USP34: variants seen among roughly 807,000 people sequenced by gnomAD.
The protein encoded by USP34 is ubiquitin specific peptidase 34, also known as ubiquitin carboxyl-terminal hydrolase 34.
A neutral mutation model predicts 460.3 loss-of-function variants in USP34; 70 were observed. The observed-to-expected ratio is 0.15, with a 90% CI of 0.13 to 0.19. The LOEUF (loss-of-function observed/expected upper bound fraction) is 0.19. Among genes scored for constraint, USP34 ranks in the 10% least tolerant of loss-of-function variants. USP34 has a pLI of 1.00. For synonymous variants in USP34, 1,647 were observed against 1,405.3 expected, an observed-to-expected ratio of 1.17 and a Z score of -3.85; for missense variants, 3,985 against 4,236.2, an observed-to-expected ratio of 0.94 and a Z score of 1.65.
intron 13 of USP34, 142 bp downstream of exon 13, chr2:61,349,108 A>G (rs1691861543): frequency 1.8e-6 from 2 of 1,092,388 alleles, no homozygotes; most frequent in East Asian, 2.5e-5. Flanking sequence ...AATGGGTAAC[A>G]CGAATATGTT....
intron 1 of USP34, among the ~76,000 whole-genome samples, chr2:61,458,731 C>T (rs958240774): frequency 1.5e-4 from 22 of 151,506 alleles, no homozygotes; most frequent in Middle Eastern, 3.4e-3. Flanking sequence ...CCTCTCATTC[C>T]CAGCAACTAT....
intron 15 of USP34, 49 bp downstream of exon 15, chr2:61,347,821 C>T: frequency 1.3e-6 from 2 of 1,586,628 alleles, no homozygotes; most frequent in South Asian, 1.2e-5. Context: ...GGATATAATA[C>T]TTCCCTAAAG....
chr2:61,205,364 T>C (rs1000331784), intron 72 of USP34, among the ~76,000 whole-genome samples: 4 of 152,210 alleles, frequency 2.6e-5, no homozygotes, highest in Admixed American at 6.5e-5. Context: ...CTGGTGATCA[T>C]AGGTTACTGC....
chr2:61,471,053 A>C lies in USP34; in HGVS notation c.-361T>G, dbSNP rs1373296402. On this transcript the variant is annotated 5_prime_UTR_variant, in exon 1 of 80. Coordinates refer to ENST00000398571, the MANE Select transcript of USP34 (RefSeq NM_014709.4). ...CGACCAGACGCCGCGGCCACCGCCG[A>C]CGCCGCCGCCATTTTAACAGAGCGC... 46 of 165,554 alleles carry C rather than the reference A, an allele frequency of 2.8e-4. No homozygotes were observed. Among genetic ancestry groups the C allele is most frequent in the East Asian group, 8.9e-4 (5 of 5,606 alleles). 10.3% of individuals were successfully genotyped at this position (165,554 alleles called of 1,614,324 possible).
chr2:61,312,192 A>G (rs1364376390), intron 25 of USP34, among the ~76,000 whole-genome samples: 3 of 151,926 alleles, frequency 2.0e-5, no homozygotes, highest in African/African-American at 7.2e-5. Context: ...TAATAAAGAG[A>G]GTAGAAATAT....
chr2:61,405,999 G>T lies in USP34; in HGVS notation c.261C>A (p.Thr87=). The T allele has an allele frequency of 1.2e-6, 2 of 1,613,496 alleles. No individual in the cohort carries two copies. The highest frequency in any genetic ancestry group is 1.3e-5 in the African/African-American group (1 of 74,836). ...LRDQLCKHCT[T]INIDSTWQDE... ...CTTGCCACGTGGAATCTATGTTAATGGTAGTACAATGTTTACAAAGCTGGT... is the reference window on the plus strand; with the variant it reads ...CTTGCCACGTGGAATCTATGTTAATTGTAGTACAATGTTTACAAAGCTGGT... Residue 87 remains threonine, a synonymous_variant, in exon 3 of 80, where the codon ACC becomes ACA. Coordinates refer to ENST00000398571, the MANE Select transcript of USP34 (RefSeq NM_014709.4).
chr2:61,245,300 C>A lies in USP34; in HGVS notation c.6549-12G>T, dbSNP rs1485049588. 7 of 1,563,938 alleles carry A rather than the reference C, an allele frequency of 4.5e-6. No individual in the cohort carries two copies. Among genetic ancestry groups the A allele is most frequent in the Non-Finnish European group, 6.1e-6 (7 of 1,141,300 alleles). ...CATTAAAAAGATACCTAAAATAGAG[C>A]ATATAGTATTAATCTAGTATGCATA... On this transcript the variant is annotated splice_polypyrimidine_tract_variant and intron_variant, in intron 50 of 79. Coordinates refer to ENST00000398571, the MANE Select transcript of USP34 (RefSeq NM_014709.4).
At chr2:61,451,692 A>C (rs538063441) in intron 1 of USP34, among the ~76,000 whole-genome samples, 3 of 152,114 alleles carry the variant, frequency 2.0e-5, no homozygotes, top group Non-Finnish European at 4.4e-5. Context: ...CAAAAAAAAA[A>C]ACAAAAAAAC....
At chr2:61,230,195 T>C (rs1259535778) in intron 58 of USP34, among the ~76,000 whole-genome samples, 1 of 152,184 alleles carries the variant, frequency 6.6e-6, no homozygotes, top group Non-Finnish European at 1.5e-5. Flanking sequence ...AACACTTATA[T>C]ATCACTGGCA....
At chr2:61,253,788 G>A (rs1688650058) in intron 48 of USP34, among the ~76,000 whole-genome samples, 1 of 150,940 alleles carries the variant, frequency 6.6e-6, no homozygotes, top group Non-Finnish European at 1.5e-5. Flanking sequence ...AGGCTGGAGT[G>A]CAGGGGCATG....
chr2:61,230,030 T>A (rs2103829088), intron 58 of USP34, among the ~76,000 whole-genome samples: 1 of 151,016 alleles, frequency 6.6e-6, no homozygotes, highest in Middle Eastern at 3.4e-3. Context: ...GAGGATTCTT[T>A]AAAGATACAC....
At chr2:61,416,891 G>A in intron 2 of USP34, 1 of 898,238 alleles carries the variant, frequency 1.1e-6, no homozygotes, top group Non-Finnish European at 1.8e-6. Flanking sequence ...CCTCATGAGT[G>A]CAGGGCCAGC....
Position 61,189,088 on chromosome 2 carries a change from G to C in USP34, c.9874-19C>G, listed in dbSNP as rs1406653413. The C allele has an allele frequency of 6.3e-7, 1 of 1,598,850 alleles. No individual in the cohort carries two copies. The highest frequency in any genetic ancestry group is 1.8e-5 in the Admixed American group (1 of 56,382). On this transcript the variant is annotated intron_variant, in intron 78 of 79. Coordinates refer to ENST00000398571, the MANE Select transcript of USP34 (RefSeq NM_014709.4). ...TCAGGTCCTACAAAAACCCAGATAGGAACATTTCAAATTCTAAAGCCAACA... is the reference window on the plus strand; with the variant it reads ...TCAGGTCCTACAAAAACCCAGATAGCAACATTTCAAATTCTAAAGCCAACA...
intron 13 of USP34, 75 bp downstream of exon 13, chr2:61,349,175 T>A: frequency 2.0e-6 from 3 of 1,497,300 alleles, no homozygotes; most frequent in South Asian, 2.5e-5. Context: ...TATTATTATG[T>A]AAAATCAATG....
chr2:61,204,431 A>C (rs1687059069), intron 73 of USP34, 51 bp from the exon 74 acceptor site: 1 of 1,613,242 alleles, frequency 6.2e-7, no homozygotes, highest in Non-Finnish European at 8.5e-7. Flanking sequence ...ATAAATCTCC[A>C]TGCTTCAGTG....
intron 8 of USP34, among the ~76,000 whole-genome samples, chr2:61,374,749 A>G (rs1451006659): frequency 6.6e-6 from 1 of 152,000 alleles, no homozygotes; most frequent in African/African-American, 2.4e-5. Context: ...TTGTATTTTT[A>G]GTAGAGACGG....
chr2:61,238,823 G>A (rs970958487), intron 53 of USP34, among the ~76,000 whole-genome samples: 3 of 152,118 alleles, frequency 2.0e-5, no homozygotes, highest in African/African-American at 7.2e-5. Flanking sequence ...CTTTGCAGAT[G>A]CTGTATTTTT....
chr2:61,221,231 G>C (rs756564326), intron 66 of USP34, among the ~76,000 whole-genome samples: 1 of 152,142 alleles, frequency 6.6e-6, no homozygotes, highest in Non-Finnish European at 1.5e-5. Context: ...AAAACACTTG[G>C]TTTGTATTTC....
At chr2:61,355,328 G>A (rs1692070441) in intron 10 of USP34, among the ~76,000 whole-genome samples, 1 of 152,126 alleles carries the variant, frequency 6.6e-6, no homozygotes, top group Non-Finnish European at 1.5e-5. Context: ...AGATAATACT[G>A]AAATTTCAGT....
Sources: gnomAD v4.1 joint callset for allele counts (sites outside exome capture counted in the v4.1 genomes callset) on GRCh38, gnomAD v4.1.1 for gene constraint, MANE v1.5 for transcripts, NCBI Gene and HGNC (gene_info 2026-07-23, HGNC 2026-07-21) for gene names.